ZFP64: variants seen among roughly 807,000 people sequenced by gnomAD.
ZFP64 encodes the protein zinc finger protein 64.
A neutral mutation model predicts 51.6 loss-of-function variants in ZFP64; 14 were observed. The observed-to-expected ratio is 0.27, with a 90% CI of 0.18 to 0.42. The LOEUF (loss-of-function observed/expected upper bound fraction) is 0.42. ZFP64 is among the 10% of genes least tolerant of loss of function. The probability of loss-of-function intolerance (pLI) is 1.00; values close to 1 mark genes in which losing one functional copy is unlikely to be tolerated. For missense variants in ZFP64, 754 were observed against 906.8 expected, an observed-to-expected ratio of 0.83 and a Z score of 2.16; for synonymous variants, 375 against 361.4, an observed-to-expected ratio of 1.04 and a Z score of -0.43.
At chr20:52,112,099 AAC>A (rs1366225291) in intron 5 of ZFP64, among the ~76,000 whole-genome samples, 24,794 of 145,278 alleles carry the variant, frequency 0.17, 2,213 homozygotes, top group Admixed American at 0.23. Flanking sequence ...AAAAAAAAAA[AAC>A]AAAAAAAAAA....
At chr20:52,104,415 G>A (rs1408291745) in intron 5 of ZFP64, among the ~76,000 whole-genome samples, 2 of 152,298 alleles carry the variant, frequency 1.3e-5, no homozygotes, top group Middle Eastern at 3.4e-3. Context: ...AGCCGAGGAG[G>A]GGGTGTGGGG....
intron 5 of ZFP64, among the ~76,000 whole-genome samples, chr20:52,133,530 A>G (rs1979824691): frequency 6.6e-6 from 1 of 152,252 alleles, no homozygotes; most frequent in Admixed American, 6.5e-5. Flanking sequence ...TACAAAATCA[A>G]CATACAAAAA....
rs1175762664 is a variant in ZFP64, at chr20:52,160,643, T to C, written c.512-269A>G. Among the ~76,000 whole-genome samples the C allele has an allele frequency of 2.0e-5, 3 of 152,178 alleles. No individual in the cohort carries two copies. The highest frequency in any genetic ancestry group is 2.9e-5 in the Non-Finnish European group (2 of 68,026). On this transcript the variant is annotated intron_variant, in intron 4 of 5. Transcript: ENST00000216923. The surrounding 1 kb of genome is among the most constrained non-coding windows in gnomAD (Gnocchi z 4.2). Reference sequence around the variant, plus strand: ...TTATAAATTAAAAATAGAAGGCAATTAAAATTTTAAAGTATAGGTACGTAA... The same window carrying C: ...TTATAAATTAAAAATAGAAGGCAATCAAAATTTTAAAGTATAGGTACGTAA...
chr20:52,172,085 A>T (rs1225252934), intron 2 of ZFP64, among the ~76,000 whole-genome samples: 1 of 151,910 alleles, frequency 6.6e-6, no homozygotes, highest in African/African-American at 2.4e-5. Flanking sequence ...CAGAGTAGCC[A>T]CTCATCCCCA....
intron 5 of ZFP64, among the ~76,000 whole-genome samples, chr20:52,132,889 G>A (rs576290561): frequency 1.3e-4 from 18 of 140,314 alleles, no homozygotes; most frequent in Admixed American, 3.7e-4. Context: ...ACCAAAACCA[G>A]ACAAAAACAC....
At chr20:52,101,939 CCAAAAAAAAA>C (rs376508320) in intron 5 of ZFP64, among the ~76,000 whole-genome samples, 1,936 of 81,422 alleles carry the variant, frequency 0.024, 36 homozygotes, top group African/African-American at 0.089. Flanking sequence ...ACTAAAAATA[CCAAAAAAAAA>C]AAAAAAAAAA....
chr20:52,104,600 C>T lies in ZFP64; in HGVS notation c.764-6013G>A, dbSNP rs550999389. 6.6e-5 allele frequency: 29 copies of T among 436,134 alleles called. 1 individual carries two copies. Among genetic ancestry groups the T allele is most frequent in the South Asian group, 4.9e-4 (29 of 58,752 alleles). 27.0% of individuals were successfully genotyped at this position (436,134 alleles called of 1,614,324 possible). On this transcript the variant is annotated intron_variant, in intron 5 of 8. Transcript: ENST00000361387. ...CTCGGGCTACAGCAGCGCTGACGCC[C>T]TGGGTCCCTGCGCTTCTGTTCCCTC... is the stretch of plus-strand genomic sequence containing the variant.
rs763942871 is a variant in ZFP64 at position 52,152,955 on chromosome 20, T to TGCTCTGCCTGCC, written c.1225_1236dup (p.Gly409_Ser412dup). ...GCATCCAGCTTGGCCACCTGCCGGC[T>TGCTCTGCCTGCC]GCTCTGCCTGCCGGTGTCCTTCCTC... On this transcript the variant is annotated inframe_insertion, in exon 6 of 6. Transcript: ENST00000216923. 7 of 1,613,802 alleles carry TGCTCTGCCTGCC rather than the reference T, an allele frequency of 4.3e-6. No individual in the cohort carries two copies. The highest frequency in any genetic ancestry group is 5.9e-6 in the Non-Finnish European group (7 of 1,180,042).
At chr20:52,107,759 T>C (rs2122800939) in intron 5 of ZFP64, among the ~76,000 whole-genome samples, 1 of 152,372 alleles carries the variant, frequency 6.6e-6, no homozygotes, top group Non-Finnish European at 1.5e-5. Context: ...CTTCACCTAC[T>C]CTCCTGTTGA....
chr20:52,152,694 T>G lies in ZFP64; in HGVS notation c.1498A>C (p.Ile500Leu). ...PQFSEGRVKI[I>L]VGHQVPQANT... is the part of the protein sequence containing the mutation. ...GCCTGGGGCACCTGATGCCCAACGA[T>G]GATTTTGACTCTTCCCTCGCTGAAC... The change falls in exon 6 of 6, where the codon ATC (isoleucine) becomes CTC (leucine). Residue 500 changes from isoleucine (I) to leucine (L), a missense_variant. This residue lies in a region of ZFP64 where 428 missense variants were observed against 472.4 expected (regional missense o/e 0.91). Coordinates refer to ENST00000216923, the MANE Select transcript of ZFP64 (RefSeq NM_018197.3). 6.5e-7 allele frequency: 1 copy of G among 1,549,914 alleles called. No homozygotes were observed. The highest frequency in any genetic ancestry group is 8.7e-7 in the Non-Finnish European group (1 of 1,148,352).
Position 52,160,266 on chromosome 20 carries a change from G to A in ZFP64, c.620C>T (p.Thr207Met), listed in dbSNP as rs145459601. 13 of 1,614,024 alleles carry A rather than the reference G, an allele frequency of 8.1e-6. No homozygotes were observed. The highest frequency in any genetic ancestry group is 1.3e-5 in the African/African-American group (1 of 74,908). Reference sequence around the variant, plus strand: ...GCTGTCGGCAGCGGCGTAGTCACACGTCTTACACTTGTAGGGCTTCACGCC... The same window carrying A: ...GCTGTCGGCAGCGGCGTAGTCACACATCTTACACTTGTAGGGCTTCACGCC... ...HTGVKPYKCK[T>M]CDYAAADSSS... The change falls in exon 5 of 6, where the codon ACG (threonine) becomes ATG (methionine). Residue 207 changes from threonine to methionine, a missense_variant. Thr to Met is a moderately conservative substitution (Grantham distance 81). Transcript: ENST00000216923. The surrounding 1 kb of genome is among the most constrained non-coding windows in gnomAD (Gnocchi z 4.2).
At chr20:52,176,400 T>C (rs1014725738) in intron 2 of ZFP64, among the ~76,000 whole-genome samples, 1 of 152,142 alleles carries the variant, frequency 6.6e-6, no homozygotes, top group African/African-American at 2.4e-5. Flanking sequence ...TGATCAGCAG[T>C]TCTGGGTGGG....
At position 52,153,743 on chromosome 20, in the gene ZFP64, T is replaced by C. The variant is rs1471835742; in HGVS notation, c.764-315A>G. ...TTTAAAACACTCAAACTATCTTTCA[T>C]ACAGTTAATTTGCCCACTCTGCTAG... On this transcript the variant is annotated intron_variant, in intron 5 of 5. Coordinates refer to ENST00000216923, the MANE Select transcript of ZFP64 (RefSeq NM_018197.3). The surrounding 1 kb of genome is among the most constrained non-coding windows in gnomAD (Gnocchi z 5.1). Among the ~76,000 whole-genome samples, 1 of 152,246 alleles carries C rather than the reference T, an allele frequency of 6.6e-6. No individual in the cohort carries two copies. The highest frequency in any genetic ancestry group is 2.4e-5 in the African/African-American group (1 of 41,458).
At chr20:52,109,051 C>G (rs191400957) in intron 5 of ZFP64, among the ~76,000 whole-genome samples, 129 of 152,252 alleles carry the variant, frequency 8.5e-4, no homozygotes, top group Admixed American at 2.6e-3. Context: ...AATCTTCCCT[C>G]ATAATCAGGA....
At chr20:52,190,683 TC>T (rs2123148584) in intron 1 of ZFP64, among the ~76,000 whole-genome samples, 1 of 152,098 alleles carries the variant, frequency 6.6e-6, no homozygotes. Flanking sequence ...TTTAGGAAAA[TC>T]TGTGCTTTTC....
chr20:52,142,377 G>GACACACACACACACACGCGTGCAC (rs749072185), intron 5 of ZFP64, among the ~76,000 whole-genome samples: 1 of 118,370 alleles, frequency 8.4e-6, no homozygotes, highest in Non-Finnish European at 1.8e-5. Context: ...CACACACACA[G>GACACACACACACACACGCGTGCAC]ACACACACAC....
At chr20:52,111,287 G>A (rs1315578170) in intron 5 of ZFP64, among the ~76,000 whole-genome samples, 2 of 149,446 alleles carry the variant, frequency 1.3e-5, no homozygotes, top group Non-Finnish European at 3.0e-5. Flanking sequence ...CGCGATCTCG[G>A]CTCATCGCAA....
Position 52,153,921 on chromosome 20 carries a change from A to T in ZFP64, c.764-493T>A, listed in dbSNP as rs1446986943. Among the ~76,000 whole-genome samples the T allele has an allele frequency of 6.6e-6, 1 of 152,148 alleles. No individual in the cohort carries two copies. Among genetic ancestry groups the T allele is most frequent in the African/African-American group, 2.4e-5 (1 of 41,422 alleles). ...ACAATGACTGAAACACCCAGCTTAT[A>T]TTTCATGCAGATCTTTATTAATAAA... is the stretch of plus-strand genomic sequence containing the variant. On this transcript the variant is annotated intron_variant, in intron 5 of 5. Transcript: ENST00000216923. The surrounding 1 kb of genome is among the most constrained non-coding windows in gnomAD (Gnocchi z 5.1).
In ZFP64 at chr20:52,151,369, A is replaced by G; in HGVS notation, c.*777T>C. On this transcript the variant is annotated 3_prime_UTR_variant, in exon 6 of 6. Transcript: ENST00000216923. Reference sequence around the variant, plus strand: ...TTTTTTTGGGTCAAGTATCCATGTCATATTATGTAGAAAATGGTCCTTCAT... The same window carrying G: ...TTTTTTTGGGTCAAGTATCCATGTCGTATTATGTAGAAAATGGTCCTTCAT... The G allele has an allele frequency of 2.0e-6, 2 of 985,396 alleles. No individual in the cohort carries two copies. Among genetic ancestry groups the G allele is most frequent in the Non-Finnish European group, 2.4e-6 (2 of 829,922 alleles). 61.0% of individuals were successfully genotyped at this position (985,396 alleles called of 1,614,324 possible).
Sources: allele counts gnomAD v4.1 joint callset (sites outside exome capture counted in the v4.1 genomes callset), GRCh38; gene constraint gnomAD v4.1.1; regional missense constraint gnomAD v4.1.1; non-coding constraint Gnocchi (gnomAD v3.1); transcripts MANE v1.5; gene names NCBI Gene and HGNC (gene_info 2026-07-23, HGNC 2026-07-21).